The following CTSW variants were observed in gnomAD, a reference collection of about 807,000 sequenced individuals.
The protein encoded by CTSW is lymphopain.
In CTSW, 42 loss-of-function variants were observed where a neutral mutation model predicts 43.8. That is an observed-to-expected ratio of 0.96 (90% CI 0.75 to 1.24). The LOEUF is 1.24. CTSW is among the 50% of genes most tolerant of loss of function. The probability of loss-of-function intolerance (pLI) is 0.00; values close to 1 mark genes in which losing one functional copy is unlikely to be tolerated. For synonymous variants in CTSW, 191 were observed against 184.8 expected, an observed-to-expected ratio of 1.03 and a Z score of -0.27; for missense variants, 475 against 479.9, an observed-to-expected ratio of 0.99 and a Z score of 0.09.
At chr11:65,881,987 C>G in intron 3 of CTSW, among the ~76,000 whole-genome samples, 188 bp from the exon 4 acceptor site, 1 of 152,218 alleles carries the variant, frequency 6.6e-6, no homozygotes, top group East Asian at 1.9e-4. Context: ...TCTCGGACTC[C>G]TGACCTCAAG....
Position 65,882,920 on chromosome 11 carries a change from G to C in CTSW, c.745+16G>C, listed in dbSNP as rs1860131768. 6.2e-7 allele frequency: 1 copy of C among 1,613,478 alleles called. No homozygotes were observed. The highest frequency in any genetic ancestry group is 1.3e-5 in the African/African-American group (1 of 74,910). On this transcript the variant is annotated intron_variant, in intron 7 of 9. Transcript: ENST00000307886. Reference sequence around the variant, plus strand: ...AACGAGCACAGTGCGGGCAGGGCAGGGACACGGGCGGATGGCAGGGACAGA... The same window carrying C: ...AACGAGCACAGTGCGGGCAGGGCAGCGACACGGGCGGATGGCAGGGACAGA...
chr11:65,880,079 G>T, intron 1 of CTSW, 123 bp from the exon 2 acceptor site: 1 of 1,207,318 alleles, frequency 8.3e-7, no homozygotes. Context: ...AGGGCACATG[G>T]GAAGACAGAA....
At chr11:65,881,092 G>A (rs537752040) in intron 2 of CTSW, among the ~76,000 whole-genome samples, 15 of 152,286 alleles carry the variant, frequency 9.8e-5, no homozygotes, top group African/African-American at 3.6e-4. Flanking sequence ...GGTCAGAGGT[G>A]TAAAGGACGT....
At chr11:65,882,972 G>A in intron 7 of CTSW, 68 bp downstream of exon 7, 1 of 1,612,116 alleles carries the variant, frequency 6.2e-7, no homozygotes, top group South Asian at 1.1e-5. Context: ...GACACGCTGG[G>A]CTACTGGGCT....
At chr11:65,881,328 G>A (rs1591072332) in intron 2 of CTSW, 79 bp from the exon 3 acceptor site, 5 of 946,398 alleles carry the variant, frequency 5.3e-6, no homozygotes, top group Middle Eastern at 2.8e-4. Flanking sequence ...GGGTGTGGGT[G>A]GAAGGGTGCC....
rs765317152 is a variant in CTSW, at chr11:65,882,501, G to A, written c.513G>A (p.Trp171Ter). ...AGACCCTGTGGCGCATCAGTTTCTG[G>A]GATTTTGTGGATGTCTCCGTGCAGG... ...NIETLWRISF[W>*]DFVDVSVQEL... is the part of the protein sequence containing the mutation. The change falls in exon 5 of 10, where the codon TGG becomes TGA. Residue 171 changes from tryptophan to a stop codon, truncating the protein, a stop_gained. Transcript: ENST00000307886. LOFTEE classifies it high-confidence loss of function. 9 of 1,614,200 alleles carry A rather than the reference G, an allele frequency of 5.6e-6. No homozygotes were observed. The highest frequency in any genetic ancestry group is 6.8e-6 in the Non-Finnish European group (8 of 1,180,018).
chr11:65,880,063 T>G, intron 1 of CTSW, 122 bp downstream of exon 1: 1 of 1,180,718 alleles, frequency 8.5e-7, no homozygotes, highest in Non-Finnish European at 1.2e-6. Flanking sequence ...GGGGCTGACG[T>G]GCCCAAGGGC....
In CTSW at chr11:65,882,709, A is replaced by G; in HGVS notation, c.619+20A>G. On this transcript the variant is annotated intron_variant, in intron 6 of 9. Transcript: ENST00000307886. ...ACAACAGTGAGTGCACTGCCCCGCC[A>G]CTCTGGACATCTGCAGGGGGACAGG... 1 of 1,614,016 alleles carries G rather than the reference A, an allele frequency of 6.2e-7. No homozygotes were observed. Among genetic ancestry groups the G allele is most frequent in the South Asian group, 1.1e-5 (1 of 91,072 alleles).
chr11:65,881,055 C>G (rs1410457683), intron 2 of CTSW, among the ~76,000 whole-genome samples: 2 of 152,172 alleles, frequency 1.3e-5, no homozygotes, highest in Non-Finnish European at 2.9e-5. Flanking sequence ...ATCTCCTCTC[C>G]CTGCCATGTT....
At chr11:65,880,573 G>T (rs371159173) in intron 2 of CTSW, 1 of 296,666 alleles carries the variant, frequency 3.4e-6, no homozygotes, top group African/African-American at 2.3e-5. Flanking sequence ...CGCCTGCCTC[G>T]GCCTCCCAAA....
At position 65,882,235 on chromosome 11, in the gene CTSW, G is replaced by T. The variant is rs1860116396; in HGVS notation, c.347G>T (p.Gly116Val). 6.2e-7 allele frequency: 1 copy of T among 1,614,038 alleles called. No homozygotes were observed. The highest frequency in any genetic ancestry group is 1.3e-5 in the African/African-American group (1 of 74,930). Residue 116 changes from glycine (G) to valine (V), a missense_variant, in exon 4 of 10, where the codon GGC (glycine) becomes GTC (valine). Transcript: ENST00000307886. ...GCAGCTGGAGGGGTCCCCAGCATGG[G>T]CAGAGAAATAAGGTCTGAAGAGCCA... ...RRAAGGVPSM[G>V]REIRSEEPEE...
chr11:65,883,052 G>T lies in CTSW; in HGVS notation c.746-17G>T, dbSNP rs1860134939. 2 of 1,614,080 alleles carry T rather than the reference G, an allele frequency of 1.2e-6. No individual in the cohort carries two copies. Among genetic ancestry groups the T allele is most frequent in the African/African-American group, 2.7e-5 (2 of 74,998 alleles). ...CACACCCACATGCCAAGGGTCTGAT[G>T]ATGTTCCTGTCCCCAGGAATTGCGC... On this transcript the variant is annotated splice_polypyrimidine_tract_variant and intron_variant, in intron 7 of 9. Transcript: ENST00000307886.
At position 65,882,557 on chromosome 11, in the gene CTSW, G is replaced by A. The variant is rs763001396; in HGVS notation, c.538+31G>A. ...GTTGGGAGAGGGTGCGCGTGTGACA[G>A]GGGAGGGAGGCCTAGGGGCCTGGTC... On this transcript the variant is annotated intron_variant, in intron 5 of 9. Coordinates refer to ENST00000307886, the MANE Select transcript of CTSW (RefSeq NM_001335.4). The A allele has an allele frequency of 4.3e-6, 7 of 1,614,008 alleles. No homozygotes were observed. The Admixed American group carries it at 6.7e-5, about 15-fold the overall frequency.
rs1860123635 is a variant in CTSW, at chr11:65,882,545, G to A, written c.538+19G>A. On this transcript the variant is annotated intron_variant, in intron 5 of 9. Coordinates refer to ENST00000307886, the MANE Select transcript of CTSW (RefSeq NM_001335.4). Reference sequence around the variant, plus strand: ...GTGCAGGGTAGGGTTGGGAGAGGGTGCGCGTGTGACAGGGGAGGGAGGCCT... The same window carrying A: ...GTGCAGGGTAGGGTTGGGAGAGGGTACGCGTGTGACAGGGGAGGGAGGCCT... 2 of 1,614,024 alleles carry A rather than the reference G, an allele frequency of 1.2e-6. No individual in the cohort carries two copies. The highest frequency in any genetic ancestry group is 1.6e-4 in the Middle Eastern group (1 of 6,084).
Position 65,882,914 on chromosome 11 carries a change from G to A in CTSW, c.745+10G>A, listed in dbSNP as rs764857527. 119 of 1,613,726 alleles carry A rather than the reference G, an allele frequency of 7.4e-5. No homozygotes were observed. The highest frequency in any genetic ancestry group is 9.6e-5 in the Non-Finnish European group (113 of 1,180,010). The stretch of plus-strand genomic sequence containing the variant: ...CAGAACAACGAGCACAGTGCGGGCA[G>A]GGCAGGGACACGGGCGGATGGCAGG... On this transcript the variant is annotated intron_variant, in intron 7 of 9. Coordinates refer to ENST00000307886, the MANE Select transcript of CTSW (RefSeq NM_001335.4).
Position 65,883,357 on chromosome 11 carries a change from C to T in CTSW, c.953C>T (p.Pro318Leu). Reference protein sequence around the residue: ...WAETVSSQSQPQPPHPTPYWI... With the variant: ...WAETVSSQSQLQPPHPTPYWI... ...GAGACAGTCTCATCGCAGTCTCAGC[C>T]TCAGCCTCCACACCCCACCCCATAC... Residue 318 changes from proline to leucine, a missense_variant, in exon 9 of 10, where the codon CCT becomes CTT. Physicochemically the swap from Pro to Leu is moderately conservative, Grantham distance 98. Transcript: ENST00000307886. The T allele has an allele frequency of 2.5e-6, 4 of 1,614,122 alleles. No homozygotes were observed. Among genetic ancestry groups the T allele is most frequent in the Non-Finnish European group, 3.4e-6 (4 of 1,180,012 alleles).
In CTSW at chr11:65,881,533, C is replaced by G; in HGVS notation, c.286+13C>G. 6.4e-7 allele frequency: 1 copy of G among 1,571,426 alleles called. No homozygotes were observed. Among genetic ancestry groups the G allele is most frequent in the Non-Finnish European group, 8.7e-7 (1 of 1,151,130 alleles). On this transcript the variant is annotated intron_variant, in intron 3 of 9. Transcript: ENST00000307886. ...AGTGACCTCACAGGTACCATTAACC[C>G]TTCTGGCTCGTAGGTGGTGGTTGGG... is the stretch of plus-strand genomic sequence containing the variant.
chr11:65,880,073 C>T, intron 1 of CTSW, 129 bp from the exon 2 acceptor site: 2 of 1,182,088 alleles, frequency 1.7e-6, no homozygotes, highest in Non-Finnish European at 2.5e-6. Context: ...TGCCCAAGGG[C>T]ACATGGGAAG....
rs755545965 is a variant in CTSW, at chr11:65,879,958, C to G, written c.87+17C>G. 1 of 1,601,160 alleles carries G rather than the reference C, an allele frequency of 6.2e-7. No homozygotes were observed. The highest frequency in any genetic ancestry group is 1.3e-5 in the African/African-American group (1 of 74,552). On this transcript the variant is annotated intron_variant, in intron 1 of 9. Coordinates refer to ENST00000307886, the MANE Select transcript of CTSW (RefSeq NM_001335.4). ...AGGGCCCAGGTAAGTGCTCCCAAAC[C>G]CTTACCTATGCCAGTCCCACGCCTG...
Sources: gnomAD v4.1 joint callset for allele counts (sites outside exome capture counted in the v4.1 genomes callset) on GRCh38, gnomAD v4.1.1 for gene constraint, MANE v1.5 for transcripts, NCBI Gene and HGNC (gene_info 2026-07-23, HGNC 2026-07-21) for gene names.